ARL15: variants seen among roughly 807,000 people sequenced by gnomAD.
ARL15 encodes the protein ARF like GTPase 15, also known as ADP-ribosylation factor-like protein 15.
Under a neutral mutation model 25.2 loss-of-function variants are expected in ARL15, and 19 were observed. The ratio of observed to expected loss-of-function variants is 0.75; its 90% CI spans 0.53 to 1.10. The LOEUF is 1.10. Ranked by LOEUF, ARL15 falls within the 50% of genes least tolerant of loss-of-function variation. The pLI, the probability that ARL15 is intolerant of heterozygous loss-of-function variation, is 0.00. For missense variants in ARL15, 220 were observed against 246.0 expected, an observed-to-expected ratio of 0.89 and a Z score of 0.71; for synonymous variants, 94 against 86.8, an observed-to-expected ratio of 1.08 and a Z score of -0.46.
At chr5:54,122,427 G>A (rs1312834089) in intron 3 of ARL15, among the ~76,000 whole-genome samples, 1 of 152,256 alleles carries the variant, frequency 6.6e-6, no homozygotes, top group Non-Finnish European at 1.5e-5. Context: ...ATGTGCACGT[G>A]CATGCGTGCG....
At chr5:54,232,447 T>C (rs974566242) in intron 1 of ARL15, among the ~76,000 whole-genome samples, 2 of 152,158 alleles carry the variant, frequency 1.3e-5, no homozygotes, top group African/African-American at 4.8e-5. Flanking sequence ...TTACTATCTA[T>C]GGAAAAAAGT....
intron 4 of ARL15, among the ~76,000 whole-genome samples, chr5:54,040,438 C>T (rs530672659): frequency 1.3e-5 from 2 of 152,144 alleles, no homozygotes; most frequent in South Asian, 4.1e-4. Flanking sequence ...AGAAAGAATA[C>T]CTAAAATTTT....
chr5:54,063,154 A>G (rs1751119160), intron 4 of ARL15, among the ~76,000 whole-genome samples: 1 of 152,240 alleles, frequency 6.6e-6, no homozygotes, highest in Admixed American at 6.5e-5. Flanking sequence ...GTAACAGTTG[A>G]TAATAAATCC....
chr5:54,176,743 G>A (rs539384379), intron 1 of ARL15, among the ~76,000 whole-genome samples: 17 of 152,120 alleles, frequency 1.1e-4, no homozygotes, highest in Non-Finnish European at 1.9e-4. Context: ...ACTCTCTGCC[G>A]CTTCCTTTCT....
chr5:53,932,454 A>G (rs1394889285), intron 4 of ARL15, among the ~76,000 whole-genome samples: 1 of 152,186 alleles, frequency 6.6e-6, no homozygotes, highest in African/African-American at 2.4e-5. Context: ...CCAGTTACAA[A>G]ATGGACCTAC....
intron 3 of ARL15, among the ~76,000 whole-genome samples, chr5:54,117,780 T>G (rs1335207456): frequency 6.6e-6 from 1 of 152,164 alleles, no homozygotes; most frequent in Non-Finnish European, 1.5e-5. Flanking sequence ...ATAGACATTT[T>G]CTCAAAAATA....
At chr5:54,260,566 C>T (rs1401946385) in intron 1 of ARL15, among the ~76,000 whole-genome samples, 1 of 152,130 alleles carries the variant, frequency 6.6e-6, no homozygotes, top group African/African-American at 2.4e-5. Flanking sequence ...TCCCAAGAGA[C>T]CACAGGGTTC....
chr5:53,896,553 G>A (rs1202162027), intron 4 of ARL15, among the ~76,000 whole-genome samples: 1 of 151,922 alleles, frequency 6.6e-6, no homozygotes, highest in Non-Finnish European at 1.5e-5. Flanking sequence ...TATTGCCATG[G>A]CATGATCTCG....
intron 4 of ARL15, among the ~76,000 whole-genome samples, chr5:54,055,498 T>C (rs776592649): frequency 4.0e-5 from 6 of 151,840 alleles, no homozygotes; most frequent in Non-Finnish European, 8.8e-5. Context: ...GTAGCTGGGA[T>C]TACAGGCATA....
intron 4 of ARL15, among the ~76,000 whole-genome samples, chr5:53,953,428 A>T (rs529843978): frequency 6.6e-6 from 1 of 152,370 alleles, no homozygotes; most frequent in Non-Finnish European, 1.5e-5. Flanking sequence ...CTTTTTATAC[A>T]GCAAAGTAGA....
At chr5:54,035,054 T>A (rs1473196410) in intron 4 of ARL15, among the ~76,000 whole-genome samples, 1 of 152,110 alleles carries the variant, frequency 6.6e-6, no homozygotes, top group Non-Finnish European at 1.5e-5. Context: ...AAACGACTTC[T>A]GGCTGAGAAC....
At chr5:54,128,626 T>C (rs1038082753) in intron 3 of ARL15, among the ~76,000 whole-genome samples, 10 of 152,032 alleles carry the variant, frequency 6.6e-5, no homozygotes, top group Admixed American at 2.0e-4. Context: ...GAGTTGATAA[T>C]ACATTTATGA....
chr5:54,009,392 G>A (rs1455504099), intron 4 of ARL15, among the ~76,000 whole-genome samples: 1 of 152,106 alleles, frequency 6.6e-6, no homozygotes, highest in Non-Finnish European at 1.5e-5. Flanking sequence ...CTCAAATATA[G>A]ATTTGTAAGG....
intron 1 of ARL15, among the ~76,000 whole-genome samples, chr5:54,188,546 T>G (rs778624057): frequency 9.1e-6 from 1 of 110,176 alleles, no homozygotes; most frequent in Non-Finnish European, 2.0e-5. Context: ...GAATTAGACA[T>G]GGACAGTATT....
intron 4 of ARL15, among the ~76,000 whole-genome samples, chr5:53,893,055 T>G (rs191695521): frequency 6.6e-6 from 1 of 152,270 alleles, no homozygotes; most frequent in Non-Finnish European, 1.5e-5. Context: ...TCCTAGCACC[T>G]TTCTTTAATC....
chr5:54,186,351 G>A (rs1378786973), intron 1 of ARL15, among the ~76,000 whole-genome samples: 2 of 152,242 alleles, frequency 1.3e-5, no homozygotes, highest in Non-Finnish European at 2.9e-5. Flanking sequence ...GAGAGAGGCA[G>A]AGAGGGCACA....
At chr5:53,983,197 T>C (rs1748182193) in intron 4 of ARL15, among the ~76,000 whole-genome samples, 1 of 152,212 alleles carries the variant, frequency 6.6e-6, no homozygotes, top group Non-Finnish European at 1.5e-5. Flanking sequence ...ATTTGGTAAT[T>C]CAGTGTTGTT....
At chr5:54,228,083 GA>G (rs1311904436) in intron 1 of ARL15, among the ~76,000 whole-genome samples, 1 of 152,154 alleles carries the variant, frequency 6.6e-6, no homozygotes. Context: ...CACCTTACAT[GA>G]AAATTATCAG....
chr5:54,231,735 T>A (rs537244315), intron 1 of ARL15, among the ~76,000 whole-genome samples: 1 of 152,324 alleles, frequency 6.6e-6, no homozygotes, highest in East Asian at 1.9e-4. Flanking sequence ...ACCATTACTT[T>A]GTCCTCACAT....
Sources: gnomAD v4.1 joint callset for allele counts (sites outside exome capture counted in the v4.1 genomes callset) on GRCh38, gnomAD v4.1.1 for gene constraint, MANE v1.5 for transcripts, NCBI Gene and HGNC (gene_info 2026-07-23, HGNC 2026-07-21) for gene names.